PTPRM: variants seen among roughly 807,000 people sequenced by gnomAD.
PTPRM encodes the protein receptor-type tyrosine-protein phosphatase mu.
In PTPRM, 47 loss-of-function variants were observed where a neutral mutation model predicts 186.7. The observed-to-expected ratio is 0.25, with a 90% CI of 0.20 to 0.32. The LOEUF (loss-of-function observed/expected upper bound fraction) is 0.32. PTPRM is among the 10% of genes least tolerant of loss of function. The pLI is 1.00. For missense variants in PTPRM, 1,494 were observed against 1,865.0 expected, an observed-to-expected ratio of 0.80 and a Z score of 3.66; for synonymous variants, 668 against 674.9, an observed-to-expected ratio of 0.99 and a Z score of 0.16.
intron 9 of PTPRM, among the ~76,000 whole-genome samples, chr18:8,083,105 C>G (rs899616261): frequency 6.6e-6 from 1 of 152,242 alleles, no homozygotes; most frequent in East Asian, 1.9e-4. Flanking sequence ...TAGCTCTAGG[C>G]CCTGGACTCT....
At chr18:7,846,681 A>C (rs1339208121) in intron 2 of PTPRM, among the ~76,000 whole-genome samples, 6 of 152,192 alleles carry the variant, frequency 3.9e-5, no homozygotes, top group Non-Finnish European at 8.8e-5. Context: ...TGCCTAGGGA[A>C]GCGCACAGCC....
At chr18:7,834,828 T>A (rs2045952811) in intron 2 of PTPRM, among the ~76,000 whole-genome samples, 1 of 151,992 alleles carries the variant, frequency 6.6e-6, no homozygotes, top group Non-Finnish European at 1.5e-5. Context: ...TTCTTCGTGG[T>A]TCAATCTTGG....
intron 11 of PTPRM, among the ~76,000 whole-genome samples, chr18:8,098,059 C>A (rs1253764442): frequency 6.6e-6 from 1 of 152,186 alleles, no homozygotes; most frequent in East Asian, 1.9e-4. Context: ...CCATATAGCT[C>A]TGTAGCCTAG....
intron 1 of PTPRM, among the ~76,000 whole-genome samples, chr18:7,738,390 G>T (rs1018386846): frequency 6.6e-6 from 1 of 152,082 alleles, no homozygotes; most frequent in African/African-American, 2.4e-5. Context: ...GAGAGGTCAG[G>T]TGAATATGTT....
chr18:7,894,604 T>C (rs2049256555), intron 3 of PTPRM, among the ~76,000 whole-genome samples: 1 of 151,106 alleles, frequency 6.6e-6, no homozygotes, highest in Non-Finnish European at 1.5e-5. Flanking sequence ...TATATATATA[T>C]ATATATTTTT....
At chr18:7,919,397 A>C (rs1471295292) in intron 4 of PTPRM, among the ~76,000 whole-genome samples, 1 of 152,118 alleles carries the variant, frequency 6.6e-6, no homozygotes, top group African/African-American at 2.4e-5. Flanking sequence ...TTGTCATTTT[A>C]AAAATTATTG....
chr18:7,883,608 T>C (rs1041687631), intron 2 of PTPRM, among the ~76,000 whole-genome samples: 1 of 152,212 alleles, frequency 6.6e-6, no homozygotes, highest in South Asian at 2.1e-4. Context: ...CGAGTGTGGA[T>C]AGAAACGTCA....
rs200061550 is a variant in PTPRM at position 7,798,528 on chromosome 18, C to CA, written c.196+24269dup. Among the ~76,000 whole-genome samples, 612 of 131,258 alleles carry CA rather than the reference C, an allele frequency of 4.7e-3. 9 individuals carry two copies. The highest frequency in any genetic ancestry group is 0.045 in the East Asian group (209 of 4,620). The allele number at this position is 131,258 out of a possible 152,430, so 86.1% of individuals were successfully genotyped here. A position where few individuals can be genotyped will look rare whatever the true frequency, so the allele number is the denominator to read the frequency against. ...TGGGCGACAGGGCAAGAATCCGTCT[C>CA]AAAAAAAAAAAAGGTTAAGATGGTA... is the stretch of plus-strand genomic sequence containing the variant. On this transcript the variant is annotated intron_variant, in intron 2 of 32. Transcript: ENST00000580170.
chr18:7,703,781 C>T (rs2040016577), intron 1 of PTPRM, among the ~76,000 whole-genome samples: 1 of 152,106 alleles, frequency 6.6e-6, no homozygotes, highest in African/African-American at 2.4e-5. Context: ...CCAGCTTTTG[C>T]CCATTCAGTA....
At chr18:7,900,009 G>C (rs557176611) in intron 3 of PTPRM, among the ~76,000 whole-genome samples, 1 of 147,576 alleles carries the variant, frequency 6.8e-6, no homozygotes, top group African/African-American at 2.5e-5. Context: ...CCCATGGAGC[G>C]CAAGGCATAT....
At chr18:8,096,116 C>T (rs1403986969) in intron 11 of PTPRM, among the ~76,000 whole-genome samples, 1 of 152,172 alleles carries the variant, frequency 6.6e-6, no homozygotes, top group Non-Finnish European at 1.5e-5. Flanking sequence ...ATGATGCCTA[C>T]TCAGTGGATG....
At chr18:7,573,950 A>C (rs985774120) in intron 1 of PTPRM, among the ~76,000 whole-genome samples, 1 of 152,114 alleles carries the variant, frequency 6.6e-6, no homozygotes, top group Admixed American at 6.6e-5. Flanking sequence ...TTACATTGAA[A>C]GTTGTTAGAC....
chr18:7,656,900 G>A (rs914204037), intron 1 of PTPRM, among the ~76,000 whole-genome samples: 3 of 152,024 alleles, frequency 2.0e-5, no homozygotes, highest in African/African-American at 4.8e-5. Flanking sequence ...CAGTCATCTG[G>A]TTGTCTTATT....
At chr18:7,709,348 A>T (rs1166835194) in intron 1 of PTPRM, among the ~76,000 whole-genome samples, 1 of 152,146 alleles carries the variant, frequency 6.6e-6, no homozygotes, top group East Asian at 1.9e-4. Flanking sequence ...TTAAAAAATT[A>T]TTTGAATTCA....
chr18:8,077,390 C>T (rs552108292), intron 9 of PTPRM, among the ~76,000 whole-genome samples: 4 of 152,226 alleles, frequency 2.6e-5, no homozygotes, highest in African/African-American at 9.6e-5. Flanking sequence ...CAGTAAACCC[C>T]TTCCCTGACC....
rs141145384 is a variant in PTPRM, at chr18:7,834,866, C to T, written c.197-53240C>T. The stretch of plus-strand genomic sequence containing the variant: ...GCTTTTATGTGTTTAGGGATTTGTT[C>T]GTTTCTTCTAGATTTTCCAATTTAT... On this transcript the variant is annotated intron_variant, in intron 2 of 32. Coordinates refer to ENST00000580170, the MANE Select transcript of PTPRM (RefSeq NM_001105244.2). Among the ~76,000 whole-genome samples, 643 of 151,662 alleles carry T rather than the reference C, an allele frequency of 4.2e-3. 2 individuals carry two copies. The highest frequency in any genetic ancestry group is 0.015 in the African/African-American group (621 of 41,430).
intron 7 of PTPRM, among the ~76,000 whole-genome samples, chr18:8,004,863 C>CT (rs1399630187): frequency 1.3e-5 from 2 of 152,038 alleles, no homozygotes; most frequent in African/African-American, 4.8e-5. Flanking sequence ...AATTTGATTT[C>CT]TTTTTTTATT....
At chr18:7,570,149 T>C (rs752536217) in intron 1 of PTPRM, among the ~76,000 whole-genome samples, 46 of 152,256 alleles carry the variant, frequency 3.0e-4, no homozygotes, top group East Asian at 1.9e-3. Flanking sequence ...AAAGTGAAGA[T>C]GGCAAATTTC....
At chr18:8,046,302 TA>T (rs1277119327) in intron 7 of PTPRM, among the ~76,000 whole-genome samples, 1 of 152,126 alleles carries the variant, frequency 6.6e-6, no homozygotes, top group African/African-American at 2.4e-5. Flanking sequence ...ACTAATACAG[TA>T]AAAAAGTCTG....
Sources: allele counts gnomAD v4.1 joint callset (sites outside exome capture counted in the v4.1 genomes callset), GRCh38; gene constraint gnomAD v4.1.1; transcripts MANE v1.5; gene names NCBI Gene and HGNC (gene_info 2026-07-23, HGNC 2026-07-21).